GCNT2: variants seen among roughly 807,000 people sequenced by gnomAD.
The protein encoded by GCNT2 is glucosaminyl (N-acetyl) transferase 2 (I blood group), also known as N-acetyllactosaminide beta-1,6-N-acetylglucosaminyl-transferase.
A neutral mutation model predicts 34.2 loss-of-function variants in GCNT2; 34 were observed. The ratio of observed to expected loss-of-function variants is 1.00; its 90% CI spans 0.76 to 1.32. The LOEUF is 1.32. GCNT2 is among the 40% of genes most tolerant of loss of function. The pLI, the probability that GCNT2 is intolerant of heterozygous loss-of-function variation, is 0.00. For missense variants in GCNT2, 584 were observed against 489.4 expected (o/e 1.19, Z -1.82); for synonymous variants, 212 against 188.0 (o/e 1.13, Z -1.04).
intron 3 of GCNT2, among the ~76,000 whole-genome samples, chr6:10,551,189 C>T (rs547098843): frequency 6.7e-4 from 102 of 152,284 alleles, no homozygotes; most frequent in Non-Finnish European, 1.2e-3. Flanking sequence ...TGCGCCTTAA[C>T]ATTTGCCTAT....
intron 3 of GCNT2, among the ~76,000 whole-genome samples, chr6:10,614,645 AG>A (rs1245474551): frequency 3.2e-5 from 3 of 95,174 alleles, no homozygotes; most frequent in African/African-American, 6.6e-5. Context: ...AAAAAAAAAA[AG>A]AGAAAAAGAA....
At chr6:10,525,664 T>C (rs1400702491) in intron 1 of GCNT2, among the ~76,000 whole-genome samples, 1 of 152,186 alleles carries the variant, frequency 6.6e-6, no homozygotes, top group African/African-American at 2.4e-5. Context: ...ATGTCTAGCA[T>C]TGTCAAAGAT....
At chr6:10,522,407 C>A (rs999107320) in intron 1 of GCNT2, among the ~76,000 whole-genome samples, 3 of 152,112 alleles carry the variant, frequency 2.0e-5, no homozygotes, top group Non-Finnish European at 2.9e-5. Flanking sequence ...TTTCTGTTTT[C>A]CTTATTTTTA....
chr6:10,550,247 T>C (rs1211916768), intron 3 of GCNT2, among the ~76,000 whole-genome samples: 1 of 152,090 alleles, frequency 6.6e-6, no homozygotes, highest in Non-Finnish European at 1.5e-5. Flanking sequence ...AGAGGTGGGG[T>C]TTCGCCATGT....
At chr6:10,608,025 C>G (rs967891161) in intron 3 of GCNT2, among the ~76,000 whole-genome samples, 1 of 151,324 alleles carries the variant, frequency 6.6e-6, no homozygotes, top group East Asian at 1.9e-4. Context: ...AAATAACTTC[C>G]TTGAGACAGA....
At chr6:10,616,962 G>C (rs955870118) in intron 3 of GCNT2, among the ~76,000 whole-genome samples, 1 of 152,042 alleles carries the variant, frequency 6.6e-6, no homozygotes. Flanking sequence ...GGTTCTCCAC[G>C]TCCCCACCAG....
chr6:10,620,420 A>C (rs965470869), intron 3 of GCNT2, among the ~76,000 whole-genome samples: 1 of 129,476 alleles, frequency 7.7e-6, no homozygotes, highest in African/African-American at 3.2e-5. Context: ...TTTTTTTTTT[A>C]TTTTGAGACA....
At chr6:10,554,213 AT>A (rs1273114033) in intron 3 of GCNT2, among the ~76,000 whole-genome samples, 1 of 152,194 alleles carries the variant, frequency 6.6e-6, no homozygotes, top group Non-Finnish European at 1.5e-5. Context: ...CTCTAATGCA[AT>A]AAGGGATTTT....
chr6:10,535,310 G>A (rs1761705826), intron 3 of GCNT2, among the ~76,000 whole-genome samples: 1 of 152,160 alleles, frequency 6.6e-6, no homozygotes, highest in South Asian at 2.1e-4. Flanking sequence ...TACAGAAAGG[G>A]GGTTCACATA....
At chr6:10,564,752 A>T (rs1030580429) in intron 3 of GCNT2, among the ~76,000 whole-genome samples, 27 of 151,682 alleles carry the variant, frequency 1.8e-4, no homozygotes, top group Middle Eastern at 3.4e-3. Context: ...TAAATGAGTT[A>T]TTGTTATTGT....
At chr6:10,559,642 C>T (rs1266997577) in intron 3 of GCNT2, among the ~76,000 whole-genome samples, 1 of 152,246 alleles carries the variant, frequency 6.6e-6, no homozygotes, top group Non-Finnish European at 1.5e-5. Flanking sequence ...ATGTACTGCC[C>T]ATCAACTTTG....
rs34015959 is a variant in GCNT2, at chr6:10,614,625, CAAAAAA to C, written c.926-6711_926-6706del. Among the ~76,000 whole-genome samples the C allele has an allele frequency of 8.5e-5, 9 of 105,926 alleles. No homozygotes were observed. The South Asian group carries it at 9.1e-4, about 11-fold the overall frequency. 69.5% of individuals were successfully genotyped at this position (105,926 alleles called of 152,430 possible). A position where few individuals can be genotyped will look rare whatever the true frequency, so the allele number is the denominator to read the frequency against. On this transcript the variant is annotated intron_variant, in intron 3 of 4. Transcript: ENST00000495262. ...TGGGCAACAGAGCAAGACTCTGTCT[CAAAAAA>C]AAAAAAAAAAAAAAGAGAAAAAGAA...
At chr6:10,601,443 A>G (rs1765082127) in intron 3 of GCNT2, among the ~76,000 whole-genome samples, 1 of 152,166 alleles carries the variant, frequency 6.6e-6, no homozygotes, top group Non-Finnish European at 1.5e-5. Flanking sequence ...GTTGCCATCA[A>G]TCAATCAGAT....
chr6:10,610,635 C>CT (rs1765509023), intron 3 of GCNT2, among the ~76,000 whole-genome samples: 1 of 152,174 alleles, frequency 6.6e-6, no homozygotes, highest in Non-Finnish European at 1.5e-5. Flanking sequence ...TATAAATTCT[C>CT]TAGATACATT....
At chr6:10,594,099 G>A (rs993779426) in intron 3 of GCNT2, among the ~76,000 whole-genome samples, 23 of 152,214 alleles carry the variant, frequency 1.5e-4, no homozygotes, top group Admixed American at 1.1e-3. Flanking sequence ...ACCTTCTGCA[G>A]GTCCTGTTAA....
At chr6:10,566,917 T>A (rs1027284066) in intron 3 of GCNT2, among the ~76,000 whole-genome samples, 1 of 152,230 alleles carries the variant, frequency 6.6e-6, no homozygotes, top group Non-Finnish European at 1.5e-5. Flanking sequence ...TGGAGTTTGC[T>A]TCCCAAGGCT....
chr6:10,568,881 A>G (rs528262045), intron 3 of GCNT2, among the ~76,000 whole-genome samples: 8 of 152,196 alleles, frequency 5.3e-5, no homozygotes, highest in South Asian at 2.1e-4. Context: ...ATGTCATTCA[A>G]TGGTAACACA....
rs745887571 is a variant in GCNT2 at position 10,529,287 on chromosome 6, G to GT, written c.377dup (p.His127AlafsTer11). ...TTATATGCCCCAAAATGTCTACTGT[G>GT]TGCACCTGGATCAGAAGGCGACGGA... On this transcript the variant is annotated frameshift_variant, in exon 3 of 5. Transcript: ENST00000495262. LOFTEE classifies it high-confidence loss of function. The GT allele has an allele frequency of 1.1e-5, 17 of 1,614,048 alleles. No homozygotes were observed. The highest frequency in any genetic ancestry group is 2.7e-5 in the African/African-American group (2 of 74,918).
chr6:10,589,708 T>G (rs934012373), intron 3 of GCNT2, among the ~76,000 whole-genome samples: 4 of 152,302 alleles, frequency 2.6e-5, no homozygotes, highest in African/African-American at 9.6e-5. Flanking sequence ...ATGTTAATAC[T>G]TCCTTGTACA....
Sources: gnomAD v4.1 joint callset for allele counts (sites outside exome capture counted in the v4.1 genomes callset) on GRCh38, gnomAD v4.1.1 for gene constraint, MANE v1.5 for transcripts, NCBI Gene and HGNC (gene_info 2026-07-23, HGNC 2026-07-21) for gene names.